The following PRKG2 variants were observed in gnomAD, a reference collection of about 807,000 sequenced individuals.
PRKG2 encodes the protein cGMP-dependent protein kinase 2.
A neutral mutation model predicts 97.2 loss-of-function variants in PRKG2; 33 were observed. The observed-to-expected ratio is 0.34, with a 90% CI of 0.26 to 0.45. The LOEUF is 0.45. PRKG2 is among the 20% of genes least tolerant of loss of function. The pLI is 1.00. For missense variants in PRKG2, 638 were observed against 900.0 expected, an observed-to-expected ratio of 0.71 and a Z score of 3.73; for synonymous variants, 330 against 321.8, an observed-to-expected ratio of 1.03 and a Z score of -0.27.
intron 6 of PRKG2, among the ~76,000 whole-genome samples, chr4:81,166,119 GTGTCATCA>G (rs890772912): frequency 6.6e-6 from 1 of 152,170 alleles, no homozygotes; most frequent in Non-Finnish European, 1.5e-5. Flanking sequence ...GCCAGGCACT[GTGTCATCA>G]TGGTCTGTCC....
At chr4:81,102,052 A>G (rs1414241108) in intron 17 of PRKG2, among the ~76,000 whole-genome samples, 1 of 152,206 alleles carries the variant, frequency 6.6e-6, no homozygotes, top group Non-Finnish European at 1.5e-5. Context: ...TACACAACCG[A>G]AGACACCGTA....
At chr4:81,161,441 G>A (rs1381097957) in intron 6 of PRKG2, among the ~76,000 whole-genome samples, 3 of 152,150 alleles carry the variant, frequency 2.0e-5, no homozygotes, top group Non-Finnish European at 2.9e-5. Context: ...TACAGTTTCC[G>A]TGAGTCAGAA....
chr4:81,123,072 T>C lies in PRKG2; in HGVS notation c.1776+12083A>G, dbSNP rs190931846. 9.0e-4 allele frequency among the ~76,000 whole-genome samples: 137 copies of C among 152,342 alleles called. 2 individuals are homozygous for C. Among genetic ancestry groups the C allele is most frequent in the African/African-American group, 3.2e-3 (132 of 41,580 alleles). ...TGGGAACAATATTCTACAAGCCCATTAGATGAAGTGTATTATTTGTGTTTT... is the reference window on the plus strand; with the variant it reads ...TGGGAACAATATTCTACAAGCCCATCAGATGAAGTGTATTATTTGTGTTTT... On this transcript the variant is annotated intron_variant, in intron 14 of 18. Coordinates refer to ENST00000264399, the MANE Select transcript of PRKG2 (RefSeq NM_006259.3).
intron 17 of PRKG2, among the ~76,000 whole-genome samples, chr4:81,099,160 C>T (rs1742442403): frequency 6.6e-6 from 1 of 152,118 alleles, no homozygotes; most frequent in Non-Finnish European, 1.5e-5. Context: ...TAGCAGAGCT[C>T]TGTAGCTATT....
At position 81,204,715 on chromosome 4, in the gene PRKG2, T is replaced by C. The variant is rs1196157856; in HGVS notation, c.333A>G (p.Gly111=). 1 of 1,614,084 alleles carries C rather than the reference T, an allele frequency of 6.2e-7. No homozygotes were observed. The highest frequency in any genetic ancestry group is 1.3e-5 in the African/African-American group (1 of 74,922). ...VPLEVHRKTS[G]LVSLHSRRGA... ...CCCTCCTGCTATGGAGAGAGACCAA[T>C]CCAGAGGTCTTCCGGTGGACCTCAA... Residue 111 remains glycine (G), a synonymous_variant, in exon 2 of 19, where the codon GGA becomes GGG. Transcript: ENST00000264399.
chr4:81,092,350 GA>G, intron 18 of PRKG2, 35 bp downstream of exon 18: 5 of 1,399,552 alleles, frequency 3.6e-6, no homozygotes, highest in South Asian at 1.4e-5. Context: ...AAATCCCTGG[GA>G]AAAAAATAAA....
intron 14 of PRKG2, among the ~76,000 whole-genome samples, chr4:81,116,634 C>G (rs1019813452): frequency 1.3e-5 from 2 of 152,146 alleles, no homozygotes; most frequent in African/African-American, 4.8e-5. Context: ...TTACAATCCC[C>G]TCAGCAGTGT....
chr4:81,140,278 A>C (rs1003362465), intron 12 of PRKG2, among the ~76,000 whole-genome samples: 1 of 152,168 alleles, frequency 6.6e-6, no homozygotes, highest in African/African-American at 2.4e-5. Flanking sequence ...TTAATTGGAC[A>C]TTGTAAAATA....
intron 1 of PRKG2, among the ~76,000 whole-genome samples, chr4:81,206,120 C>T (rs545279948): frequency 1.4e-4 from 21 of 152,294 alleles, no homozygotes; most frequent in South Asian, 1.2e-3. Flanking sequence ...TAAGCACACA[C>T]GAGCAGACTC....
Position 81,171,756 on chromosome 4 carries a change from G to A in PRKG2, c.677C>T (p.Pro226Leu), listed in dbSNP as rs1208380099. ...AAGCTCCCCAAATGTGGTCCACATAGGGATGGAGGACAGCAATTTCTCCCC... is the reference window on the plus strand; with the variant it reads ...AAGCTCCCCAAATGTGGTCCACATAAGGATGGAGGACAGCAATTTCTCCCC... ...FQGEKLLSSIPMWTTFGELAI... is the reference protein window; with the variant it reads ...FQGEKLLSSILMWTTFGELAI... The change falls in exon 4 of 19, where the codon CCT becomes CTT. Residue 226 changes from proline (P) to leucine (L), a missense_variant. Around this residue, in one of 3 missense-constraint regions of PRKG2, gnomAD observed 332 missense variants for 421.7 expected, o/e 0.79. Transcript: ENST00000264399. The A allele has an allele frequency of 2.5e-6, 4 of 1,611,384 alleles. No individual in the cohort carries two copies. Among genetic ancestry groups the A allele is most frequent in the Middle Eastern group, 3.3e-4 (2 of 6,046 alleles).
chr4:81,176,368 A>G (rs182805397), intron 2 of PRKG2, among the ~76,000 whole-genome samples: 14 of 152,294 alleles, frequency 9.2e-5, no homozygotes, highest in Non-Finnish European at 1.6e-4. Flanking sequence ...CTAAAATCCA[A>G]CTGTATTATA....
chr4:81,184,096 T>C (rs1020379168), intron 2 of PRKG2, among the ~76,000 whole-genome samples: 1 of 152,210 alleles, frequency 6.6e-6, no homozygotes, highest in Non-Finnish European at 1.5e-5. Flanking sequence ...TCCTGCCTGC[T>C]GGCTCTGAAG....
At chr4:81,202,595 C>T (rs538338090) in intron 2 of PRKG2, among the ~76,000 whole-genome samples, 4 of 152,170 alleles carry the variant, frequency 2.6e-5, no homozygotes, top group Admixed American at 6.5e-5. Context: ...GACTTGTATC[C>T]ACTTGGCTTG....
rs1743163817 is a variant in PRKG2, at chr4:81,104,787, C to T, written c.2064-355G>A. 2.6e-5 allele frequency among the ~76,000 whole-genome samples: 4 copies of T among 152,012 alleles called. No individual in the cohort carries two copies. In the South Asian group the frequency reaches 8.3e-4, roughly 32 times the overall value. ...GAATCATTTACATCTAAGCTGAAAT[C>T]TTAGAAGCATACTGGCAACCCATAG... On this transcript the variant is annotated intron_variant, in intron 16 of 18. Transcript: ENST00000264399.
chr4:81,214,455 G>C (rs1754170385), intron 1 of PRKG2, among the ~76,000 whole-genome samples: 1 of 150,824 alleles, frequency 6.6e-6, no homozygotes, highest in African/African-American at 2.4e-5. Context: ...GCGCCTCACG[G>C]TGCCCAGAGT....
rs1028220791 is a variant in PRKG2, at chr4:81,158,402, T to C, written c.913-4681A>G. Among the ~76,000 whole-genome samples, 5 of 113,930 alleles carry C rather than the reference T, an allele frequency of 4.4e-5. 1 individual carries two copies. Among genetic ancestry groups the C allele is most frequent in the African/African-American group, 1.7e-4 (2 of 11,714 alleles). The allele number at this position is 113,930 out of a possible 152,430, so 74.7% of individuals were successfully genotyped here. A position where few individuals can be genotyped will look rare whatever the true frequency, so the allele number is the denominator to read the frequency against. Reference sequence around the variant, plus strand: ...TGTGAAGGACCTCTTCAAGGAGAACTACAAACCTTCAAGGAGAACTACAAA... The same window carrying C: ...TGTGAAGGACCTCTTCAAGGAGAACCACAAACCTTCAAGGAGAACTACAAA... On this transcript the variant is annotated intron_variant, in intron 6 of 18. Coordinates refer to ENST00000264399, the MANE Select transcript of PRKG2 (RefSeq NM_006259.3).
At chr4:81,100,687 A>C (rs1742656369) in intron 17 of PRKG2, among the ~76,000 whole-genome samples, 1 of 152,204 alleles carries the variant, frequency 6.6e-6, no homozygotes, top group African/African-American at 2.4e-5. Flanking sequence ...CACCAAAAGC[A>C]ATGGCAACAA....
chr4:81,144,312 G>A lies in PRKG2; in HGVS notation c.1173C>T (p.Val391=), dbSNP rs748041886. 1.4e-5 allele frequency: 22 copies of A among 1,610,092 alleles called. No homozygotes were observed. Among genetic ancestry groups the A allele is most frequent in the Non-Finnish European group, 1.8e-5 (21 of 1,176,842 alleles). ...ATTTTTGCAGCTCTTCAAATGTACC[G>A]ACAGTTTGGTTGAATGTTCTAAATA... The part of the protein sequence containing the change: ...VIDRETFNQT[V]GTFEELQKYL... Residue 391 remains valine (V), a synonymous_variant, in exon 10 of 19, where the codon GTC becomes GTT. Transcript: ENST00000264399.
rs771189161 is a variant in PRKG2 at position 81,104,325 on chromosome 4, T to A, written c.2126+45A>T. The A allele has an allele frequency of 2.1e-6, 3 of 1,402,264 alleles. No individual in the cohort carries two copies. The East Asian group carries it at 7.8e-5, about 37-fold the overall frequency. 86.9% of individuals were successfully genotyped at this position (1,402,264 alleles called of 1,614,324 possible). On this transcript the variant is annotated intron_variant, in intron 17 of 18. Transcript: ENST00000264399. ...GAAGCTTTTGCAAGTACCACATTGT[T>A]CTCTAAATTTCTATATTTTTCTGGG...
Sources: allele counts gnomAD v4.1 joint callset (sites outside exome capture counted in the v4.1 genomes callset), GRCh38; gene constraint gnomAD v4.1.1; regional missense constraint gnomAD v4.1.1; transcripts MANE v1.5; gene names NCBI Gene and HGNC (gene_info 2026-07-23, HGNC 2026-07-21).